The following SPON1 variants were observed in gnomAD, a reference collection of about 807,000 sequenced individuals.
SPON1 encodes the protein spondin-1.
Under a neutral mutation model 111.7 loss-of-function variants are expected in SPON1, and 52 were observed. The ratio of observed to expected loss-of-function variants is 0.47; its 90% CI spans 0.37 to 0.59. The LOEUF (loss-of-function observed/expected upper bound fraction) is 0.59, where lower values mean the gene tolerates loss of function less well. Ranked by LOEUF, SPON1 falls within the 20% of genes least tolerant of loss-of-function variation. The pLI is 0.00. For synonymous variants in SPON1, 410 were observed against 395.8 expected, an observed-to-expected ratio of 1.04 and a Z score of -0.43; for missense variants, 957 against 1,068.5, an observed-to-expected ratio of 0.90 and a Z score of 1.46.
chr11:14,101,253 AG>A (rs1849141626), intron 5 of SPON1, among the ~76,000 whole-genome samples: 1 of 152,110 alleles, frequency 6.6e-6, no homozygotes, highest in African/African-American at 2.4e-5. Flanking sequence ...TACAAAACTT[AG>A]CCGGGAGTGG....
chr11:14,075,347 C>T lies in SPON1; in HGVS notation c.482C>T (p.Ala161Val). Reference sequence around the variant, plus strand: ...GCTTGGGTCTTCTTTCTTCACAGGGCCAGCATCGTACAAAAACGCATTATT... The same window carrying T: ...GCTTGGGTCTTCTTTCTTCACAGGGTCAGCATCGTACAAAAACGCATTATT... ...PAGTGCVILK[A>V]SIVQKRIIYF... The change falls in exon 4 of 16, where the codon GCC becomes GTC. Residue 161 changes from alanine (A) to valine (V), a missense_variant and splice_region_variant. By Grantham distance (64) the Ala-to-Val change is moderately conservative. Around this residue, in one of 5 missense-constraint regions of SPON1, gnomAD observed 262 missense variants for 253.9 expected, o/e 1.03. Transcript: ENST00000576479. 6.4e-7 allele frequency: 1 copy of T among 1,557,246 alleles called. No individual in the cohort carries two copies. The highest frequency in any genetic ancestry group is 8.7e-7 in the Non-Finnish European group (1 of 1,149,402).
chr11:14,072,618 A>T (rs868989249), intron 3 of SPON1, among the ~76,000 whole-genome samples: 8 of 152,210 alleles, frequency 5.3e-5, no homozygotes, highest in South Asian at 2.1e-4. Context: ...CAAAGTGATG[A>T]CAGCTGAAGC....
At chr11:14,246,855 C>A (rs1429641729) in intron 7 of SPON1, among the ~76,000 whole-genome samples, 2 of 152,062 alleles carry the variant, frequency 1.3e-5, no homozygotes, top group African/African-American at 2.4e-5. Flanking sequence ...AGATAGCTTC[C>A]CCCTAAAAAG....
intron 7 of SPON1, among the ~76,000 whole-genome samples, chr11:14,250,407 GT>G (rs1205560353): frequency 0.019 from 2,712 of 144,570 alleles, 40 homozygotes; most frequent in Middle Eastern, 0.035. Context: ...TGTGAATCCA[GT>G]TTTTTTTTTA....
At chr11:14,223,478 G>T (rs1554937796) in intron 6 of SPON1, among the ~76,000 whole-genome samples, 1 of 152,228 alleles carries the variant, frequency 6.6e-6, no homozygotes. Flanking sequence ...TTATTTATAA[G>T]AATTATAAAA....
intron 2 of SPON1, among the ~76,000 whole-genome samples, chr11:13,988,232 G>A (rs1848200679): frequency 6.6e-6 from 1 of 152,124 alleles, no homozygotes; most frequent in African/African-American, 2.4e-5. Context: ...TTGTCCTTGA[G>A]CAGTGGTTTG....
chr11:13,978,880 GT>G (rs782535789), intron 1 of SPON1, among the ~76,000 whole-genome samples: 11 of 152,196 alleles, frequency 7.2e-5, no homozygotes, highest in Non-Finnish European at 1.6e-4. Context: ...TGGGAGCATG[GT>G]TAGTGAAGCT....
At chr11:14,173,805 G>T (rs191168929) in intron 6 of SPON1, among the ~76,000 whole-genome samples, 11 of 152,258 alleles carry the variant, frequency 7.2e-5, no homozygotes, top group African/African-American at 1.7e-4. Context: ...GCAGAACAGC[G>T]GATATTGGTG....
chr11:14,100,200 A>G (rs957728064), intron 5 of SPON1, among the ~76,000 whole-genome samples: 25 of 142,552 alleles, frequency 1.8e-4, no homozygotes, highest in African/African-American at 6.6e-4. Context: ...CTGTTTTCTT[A>G]TTCTGCCTCA....
intron 2 of SPON1, among the ~76,000 whole-genome samples, chr11:13,993,383 T>G: frequency 6.6e-6 from 1 of 151,584 alleles, no homozygotes; most frequent in East Asian, 1.9e-4. Flanking sequence ...GCTGATTCGG[T>G]GAAAGTGGCA....
At chr11:14,133,894 G>A (rs1002800202) in intron 5 of SPON1, among the ~76,000 whole-genome samples, 1 of 152,200 alleles carries the variant, frequency 6.6e-6, no homozygotes, top group Non-Finnish European at 1.5e-5. Context: ...TCTGCCTGGG[G>A]TGGGCCGTGG....
intron 6 of SPON1, among the ~76,000 whole-genome samples, chr11:14,196,357 G>A (rs1387975834): frequency 6.6e-6 from 1 of 152,190 alleles, no homozygotes; most frequent in East Asian, 1.9e-4. Context: ...GTATGGATGG[G>A]TGTTTTGGTG....
intron 2 of SPON1, among the ~76,000 whole-genome samples, chr11:13,992,749 G>A (rs963093481): frequency 2.0e-5 from 3 of 152,178 alleles, no homozygotes; most frequent in African/African-American, 4.8e-5. Flanking sequence ...GACAAGTGCA[G>A]TATCTGTGCC....
chr11:14,041,246 A>G (rs1201844599), intron 2 of SPON1, among the ~76,000 whole-genome samples: 7 of 152,118 alleles, frequency 4.6e-5, no homozygotes, highest in African/African-American at 9.7e-5. Context: ...AATAAGCAAG[A>G]TCATCACCTA....
intron 7 of SPON1, among the ~76,000 whole-genome samples, chr11:14,245,343 T>C (rs1480220394): frequency 1.3e-5 from 2 of 152,128 alleles, no homozygotes; most frequent in Non-Finnish European, 2.9e-5. Context: ...CAGTCCTAGC[T>C]CTCTGGAACA....
At chr11:14,002,884 C>G (rs1267398450) in intron 2 of SPON1, among the ~76,000 whole-genome samples, 5 of 152,056 alleles carry the variant, frequency 3.3e-5, no homozygotes, top group Admixed American at 3.3e-4. Context: ...TAAAAAACCC[C>G]AAAGTCCTAG....
intron 6 of SPON1, among the ~76,000 whole-genome samples, chr11:14,237,217 T>C (rs202095290): frequency 1.8e-4 from 28 of 152,310 alleles, no homozygotes; most frequent in African/African-American, 6.5e-4. Flanking sequence ...AGGATGGATA[T>C]TTTTTGTGCA....
chr11:14,129,966 G>T (rs1169621322), intron 5 of SPON1, among the ~76,000 whole-genome samples: 3 of 151,754 alleles, frequency 2.0e-5, no homozygotes, highest in African/African-American at 4.9e-5. Flanking sequence ...ACAGCATAAG[G>T]GAAACTGCTT....
intron 6 of SPON1, among the ~76,000 whole-genome samples, chr11:14,219,120 C>T (rs1301352317): frequency 6.6e-6 from 1 of 152,200 alleles, no homozygotes; most frequent in Non-Finnish European, 1.5e-5. Context: ...CCCCCACCCA[C>T]TGCCACCTAT....
Sources: allele counts gnomAD v4.1 joint callset (sites outside exome capture counted in the v4.1 genomes callset), GRCh38; gene constraint gnomAD v4.1.1; regional missense constraint gnomAD v4.1.1; transcripts MANE v1.5; gene names NCBI Gene and HGNC (gene_info 2026-07-23, HGNC 2026-07-21).